GALNT17: variants seen among roughly 807,000 people sequenced by gnomAD.
GALNT17 encodes the protein polypeptide N-acetylgalactosaminyltransferase 17, also known as UDP-GalNAc:polypeptide N-acetylgalactosaminyltransferase-like 3.
Under a neutral mutation model 63.7 loss-of-function variants are expected in GALNT17, and 29 were observed. The observed-to-expected ratio is 0.46, with a 90% CI of 0.34 to 0.62. The LOEUF is 0.62. Among genes scored for constraint, GALNT17 ranks in the 20% least tolerant of loss-of-function variants. The pLI, the probability that GALNT17 is intolerant of heterozygous loss-of-function variation, is 0.01. For missense variants in GALNT17, 603 were observed against 799.6 expected, an observed-to-expected ratio of 0.75 and a Z score of 2.97; for synonymous variants, 305 against 318.3, an observed-to-expected ratio of 0.96 and a Z score of 0.45.
At chr7:71,473,403 G>T (rs1787673502) in intron 5 of GALNT17, among the ~76,000 whole-genome samples, 1 of 152,172 alleles carries the variant, frequency 6.6e-6, no homozygotes, top group African/African-American at 2.4e-5. Context: ...AGAAAAGACA[G>T]CTTTGCAAAG....
intron 1 of GALNT17, among the ~76,000 whole-genome samples, chr7:71,205,980 C>A (rs1240373514): frequency 6.6e-6 from 1 of 151,390 alleles, no homozygotes; most frequent in African/African-American, 2.4e-5. Context: ...GACACTGAGC[C>A]ACTGCATGTA....
chr7:71,537,196 T>G (rs767719532), intron 5 of GALNT17, among the ~76,000 whole-genome samples: 1 of 152,212 alleles, frequency 6.6e-6, no homozygotes, highest in Non-Finnish European at 1.5e-5. Flanking sequence ...TCATTTTGCA[T>G]TGTATATCAT....
chr7:71,588,842 G>GA (rs1369289350), intron 6 of GALNT17, among the ~76,000 whole-genome samples: 2 of 151,482 alleles, frequency 1.3e-5, no homozygotes, highest in Admixed American at 6.6e-5. Context: ...CAGCACTGGG[G>GA]AAAAATCCAA....
intron 5 of GALNT17, among the ~76,000 whole-genome samples, chr7:71,475,860 T>C (rs1235225002): frequency 1.3e-5 from 2 of 152,192 alleles, no homozygotes; most frequent in African/African-American, 4.8e-5. Context: ...AGGAATCTCC[T>C]ACCCATTCCT....
At chr7:71,472,712 AAAAT>A (rs1176000329) in intron 5 of GALNT17, among the ~76,000 whole-genome samples, 1 of 152,158 alleles carries the variant, frequency 6.6e-6, no homozygotes, top group Non-Finnish European at 1.5e-5. Flanking sequence ...AAACTAAACT[AAAAT>A]AAATAAAAAT....
chr7:71,428,940 G>A (rs1786810897), intron 5 of GALNT17, among the ~76,000 whole-genome samples: 1 of 152,182 alleles, frequency 6.6e-6, no homozygotes, highest in Admixed American at 6.5e-5. Flanking sequence ...AGGGACACCG[G>A]CCACTAGGCT....
intron 5 of GALNT17, among the ~76,000 whole-genome samples, chr7:71,514,902 G>A (rs1335080847): frequency 1.3e-5 from 2 of 152,094 alleles, no homozygotes; most frequent in Non-Finnish European, 2.9e-5. Context: ...GGACCTGGTG[G>A]GAGATAATTC....
At chr7:71,312,675 G>A (rs1791431610) in intron 1 of GALNT17, among the ~76,000 whole-genome samples, 1 of 152,110 alleles carries the variant, frequency 6.6e-6, no homozygotes, top group Admixed American at 6.6e-5. Context: ...TCTCCCTGGT[G>A]TCTCTTCCTC....
chr7:71,506,915 T>C (rs150276754), intron 5 of GALNT17, among the ~76,000 whole-genome samples: 1 of 152,314 alleles, frequency 6.6e-6, no homozygotes, highest in Non-Finnish European at 1.5e-5. Flanking sequence ...AACCTAATAG[T>C]TGTAATTTCA....
In GALNT17 at chr7:71,569,913, G is replaced by A. The variant is rs185393834; in HGVS notation, c.963-1372G>A. On this transcript the variant is annotated intron_variant, in intron 5 of 10. Coordinates refer to ENST00000333538, the MANE Select transcript of GALNT17 (RefSeq NM_022479.3). The stretch of plus-strand genomic sequence containing the variant: ...AGATACCCATTAATGGGATTGTTTG[G>A]TTGAATGGTAGTTCTATTTTTAGTT... 3.0e-3 allele frequency among the ~76,000 whole-genome samples: 463 copies of A among 152,258 alleles called. 3 individuals are homozygous for A. The highest frequency in any genetic ancestry group is 0.01 in the Middle Eastern group (3 of 294).
intron 2 of GALNT17, among the ~76,000 whole-genome samples, chr7:71,350,606 T>G (rs1241217005): frequency 6.6e-6 from 1 of 152,216 alleles, no homozygotes; most frequent in African/African-American, 2.4e-5. Context: ...TATTACATAT[T>G]ATAAGTAATC....
At chr7:71,315,556 G>A (rs1404939176) in intron 1 of GALNT17, among the ~76,000 whole-genome samples, 1 of 152,134 alleles carries the variant, frequency 6.6e-6, no homozygotes, top group African/African-American at 2.4e-5. Context: ...CTGTCCTCTT[G>A]GTGTGCCTTC....
At chr7:71,570,829 A>G (rs1188292833) in intron 5 of GALNT17, among the ~76,000 whole-genome samples, 1 of 152,008 alleles carries the variant, frequency 6.6e-6, no homozygotes, top group Non-Finnish European at 1.5e-5. Context: ...AAAATACAAA[A>G]TTAGCTGTGC....
chr7:71,457,064 AAAC>A (rs1344906173), intron 5 of GALNT17, among the ~76,000 whole-genome samples: 3 of 152,126 alleles, frequency 2.0e-5, no homozygotes, highest in African/African-American at 7.2e-5. Flanking sequence ...ATTTTTACAA[AAAC>A]AATAGAGGCA....
At position 71,712,265 on chromosome 7, in the gene GALNT17, C is replaced by A. The variant is rs1464624050; in HGVS notation, c.*119C>A. ...GGCCGGCAGGTGCTCGATGGGCCCC[C>A]CAGGGCTTCTCCAGGGCAGCACAGG... On this transcript the variant is annotated 3_prime_UTR_variant, in exon 11 of 11. Transcript: ENST00000333538. 4.4e-5 allele frequency: 62 copies of A among 1,421,830 alleles called. No homozygotes were observed. Among genetic ancestry groups the A allele is most frequent in the Non-Finnish European group, 5.6e-5 (60 of 1,073,552 alleles). 88.1% of individuals were successfully genotyped at this position (1,421,830 alleles called of 1,614,324 possible).
intron 1 of GALNT17, among the ~76,000 whole-genome samples, chr7:71,308,636 G>A (rs998836208): frequency 1.3e-5 from 2 of 151,950 alleles, no homozygotes; most frequent in Admixed American, 6.6e-5. Flanking sequence ...CTTTGCACGA[G>A]ATAAATAAAC....
intron 1 of GALNT17, among the ~76,000 whole-genome samples, chr7:71,162,123 C>CCTT (rs1788357249): frequency 0.043 from 2,294 of 53,708 alleles, 97 homozygotes; most frequent in Middle Eastern, 0.071. Context: ...CTCCCTCCCT[C>CCTT]CCTTCCTTCC....
At chr7:71,634,856 G>T (rs1584103990) in intron 6 of GALNT17, among the ~76,000 whole-genome samples, 1 of 152,010 alleles carries the variant, frequency 6.6e-6, no homozygotes, top group South Asian at 2.1e-4. Flanking sequence ...CTTATAGGTC[G>T]ATTAAAAATT....
rs140790195 is a variant in GALNT17 at position 71,215,981 on chromosome 7, G to A, written c.238+82941G>A. Among the ~76,000 whole-genome samples, 3 of 152,184 alleles carry A rather than the reference G, an allele frequency of 2.0e-5. No individual in the cohort carries two copies. In the East Asian group the frequency reaches 5.8e-4, roughly 29 times the overall value. The stretch of plus-strand genomic sequence containing the variant: ...AGAGAGCTGATGTCAGGCTGAGGCA[G>A]GAGGATTGCTTGACCCCAGGAGTTT... On this transcript the variant is annotated intron_variant, in intron 1 of 10. Coordinates refer to ENST00000333538, the MANE Select transcript of GALNT17 (RefSeq NM_022479.3).
Sources: allele counts gnomAD v4.1 joint callset (sites outside exome capture counted in the v4.1 genomes callset), GRCh38; gene constraint gnomAD v4.1.1; transcripts MANE v1.5; gene names NCBI Gene and HGNC (gene_info 2026-07-23, HGNC 2026-07-21).